The following PAX5 variants were observed in gnomAD, a reference collection of about 807,000 sequenced individuals.
PAX5 encodes paired box protein Pax-5.
In PAX5, 9 loss-of-function variants were observed where a neutral mutation model predicts 43.7. That is an observed-to-expected ratio of 0.21 (90% CI 0.12 to 0.36). The LOEUF is 0.36. Ranked by LOEUF, PAX5 falls within the 10% of genes least tolerant of loss-of-function variation. The pLI is 1.00. For synonymous variants in PAX5, 228 were observed against 214.3 expected, an observed-to-expected ratio of 1.06 and a Z score of -0.56; for missense variants, 383 against 532.7, an observed-to-expected ratio of 0.72 and a Z score of 2.77.
intron 7 of PAX5, 143 bp downstream of exon 7, chr9:36,923,212 T>G: frequency 1.0e-6 from 1 of 962,782 alleles, no homozygotes; most frequent in Non-Finnish European, 1.5e-6. Flanking sequence ...CCCCAGCACC[T>G]GACCTGTTCC....
At chr9:37,014,043 G>C (rs1775469060) in intron 3 of PAX5, among the ~76,000 whole-genome samples, 1 of 152,210 alleles carries the variant, frequency 6.6e-6, no homozygotes, top group Non-Finnish European at 1.5e-5. Flanking sequence ...AATGGAAACT[G>C]TCCAAGTTTT....
At chr9:36,929,784 T>C (rs574623349) in intron 6 of PAX5, among the ~76,000 whole-genome samples, 1 of 152,282 alleles carries the variant, frequency 6.6e-6, no homozygotes, top group African/African-American at 2.4e-5. Context: ...TGGAGTGAAA[T>C]GGTGCAATCT....
At chr9:37,027,153 C>G (rs564601286) in intron 1 of PAX5, among the ~76,000 whole-genome samples, 2 of 152,374 alleles carry the variant, frequency 1.3e-5, no homozygotes, top group East Asian at 1.9e-4. Context: ...CTCTCTCCAA[C>G]TGGCTCTCCG....
chr9:36,930,864 T>A (rs1831065521), intron 6 of PAX5: 9 of 1,308,286 alleles, frequency 6.9e-6, no homozygotes, highest in Non-Finnish European at 9.0e-6. Flanking sequence ...GCACTGGGCA[T>A]CATTTGGGTC....
rs576653546 is a variant in PAX5, at chr9:37,034,098, C to CTTTTT, written c.-72_-68dup. Reference sequence around the variant, plus strand: ...TCCACTTTTTTGTGCCTTTTTTTTTCTTTTTTTTTTTTTTTTTTTTTTTTT... The same window carrying CTTTTT: ...TCCACTTTTTTGTGCCTTTTTTTTTCTTTTTTTTTTTTTTTTTTTTTTTTTTTTTT... On this transcript the variant is annotated 5_prime_UTR_variant, in exon 1 of 10. Coordinates refer to ENST00000358127, the MANE Select transcript of PAX5 (RefSeq NM_016734.3). 8.1e-4 allele frequency: 260 copies of CTTTTT among 319,956 alleles called. 2 individuals are homozygous for CTTTTT. Among genetic ancestry groups the CTTTTT allele is most frequent in the Middle Eastern group, 1.8e-3 (2 of 1,092 alleles). 19.8% of individuals were successfully genotyped at this position (319,956 alleles called of 1,614,324 possible).
chr9:37,006,231 T>C (rs1838377385), intron 4 of PAX5, among the ~76,000 whole-genome samples: 2 of 152,300 alleles, frequency 1.3e-5, no homozygotes, highest in African/African-American at 4.8e-5. Flanking sequence ...GGCTTAGATT[T>C]CAATTTTCTG....
chr9:36,865,879 G>A (rs1824823928), intron 8 of PAX5, among the ~76,000 whole-genome samples: 3 of 152,230 alleles, frequency 2.0e-5, no homozygotes, highest in Non-Finnish European at 2.9e-5. Context: ...AGCGTGGGTC[G>A]CTCCAGAGCA....
At chr9:36,966,453 C>T in intron 6 of PAX5, 96 bp downstream of exon 6, 2 of 1,345,158 alleles carry the variant, frequency 1.5e-6, no homozygotes, top group Non-Finnish European at 2.1e-6. Context: ...CCTGGTGTGC[C>T]CTCACCCACA....
At chr9:36,948,092 A>G (rs903261090) in intron 6 of PAX5, among the ~76,000 whole-genome samples, 1 of 152,222 alleles carries the variant, frequency 6.6e-6, no homozygotes, top group African/African-American at 2.4e-5. Flanking sequence ...CTGTGCTAGC[A>G]TATCGGCATG....
In PAX5 at chr9:36,838,066, T is replaced by G. The variant is rs73451129; in HGVS notation, c.*2494A>C. On this transcript the variant is annotated 3_prime_UTR_variant, in exon 10 of 10. Coordinates refer to ENST00000358127, the MANE Select transcript of PAX5 (RefSeq NM_016734.3). ...AAATGGAGGGAGGCAGGGAGAGAGA[T>G]GCCAGGTAACATACCTTCTCCTACC... 0.012 allele frequency: 2,721 copies of G among 233,270 alleles called. 76 individuals are homozygous for G. The highest frequency in any genetic ancestry group is 0.056 in the African/African-American group (2,532 of 45,430). The allele number at this position is 233,270 out of a possible 1,614,324, so 14.5% of individuals were successfully genotyped here.
intron 6 of PAX5, among the ~76,000 whole-genome samples, chr9:36,960,180 G>A (rs1049784490): frequency 6.6e-6 from 1 of 152,226 alleles, no homozygotes; most frequent in Non-Finnish European, 1.5e-5. Context: ...TTTAGAAACA[G>A]GCTGAAAGAA....
intron 7 of PAX5, among the ~76,000 whole-genome samples, chr9:36,907,658 G>A (rs529619119): frequency 2.6e-5 from 4 of 152,268 alleles, no homozygotes; most frequent in South Asian, 2.1e-4. Flanking sequence ...TTTACTTACC[G>A]ACAGCTAGGG....
chr9:37,006,182 T>C (rs540321278), intron 4 of PAX5, among the ~76,000 whole-genome samples: 1 of 150,438 alleles, frequency 6.6e-6, no homozygotes, highest in South Asian at 2.1e-4. Context: ...ACTTTAATTA[T>C]CTGACATTCT....
intron 1 of PAX5, among the ~76,000 whole-genome samples, chr9:37,033,324 T>G (rs1025701047): frequency 7.2e-5 from 11 of 152,000 alleles, no homozygotes; most frequent in Non-Finnish European, 1.2e-4. Context: ...CGTCTAGGAG[T>G]TTGCCTAGAG....
At position 36,971,747 on chromosome 9, in the gene PAX5, G is replaced by A. The variant is rs145968652; in HGVS notation, c.605-5023C>T. 5.3e-5 allele frequency among the ~76,000 whole-genome samples: 8 copies of A among 152,324 alleles called. No individual in the cohort carries two copies. The South Asian group carries it at 8.3e-4, about 16-fold the overall frequency. Reference sequence around the variant, plus strand: ...AGGGGAGCAAGGGGCAGGAAGCCCCGTCTCGGGGAGCAAAGAAATGCTGGC... The same window carrying A: ...AGGGGAGCAAGGGGCAGGAAGCCCCATCTCGGGGAGCAAAGAAATGCTGGC... On this transcript the variant is annotated intron_variant, in intron 5 of 9. Transcript: ENST00000358127.
chr9:36,954,239 A>G (rs576865484), intron 6 of PAX5, among the ~76,000 whole-genome samples: 2 of 152,264 alleles, frequency 1.3e-5, no homozygotes, highest in South Asian at 4.1e-4. Context: ...AATCTGGCAG[A>G]TCTCAGCTGT....
intron 8 of PAX5, among the ~76,000 whole-genome samples, chr9:36,859,365 A>C (rs541776123): frequency 6.6e-6 from 1 of 152,260 alleles, no homozygotes; most frequent in Admixed American, 6.5e-5. Flanking sequence ...CTCCTAACAG[A>C]GTCAGGGTCA....
chr9:36,950,916 A>G (rs1208670422), intron 6 of PAX5, among the ~76,000 whole-genome samples: 1 of 151,766 alleles, frequency 6.6e-6, no homozygotes, highest in Non-Finnish European at 1.5e-5. Context: ...AATTTTTTGT[A>G]TCTTTAGTAG....
Position 36,852,628 on chromosome 9 carries a change from C to T in PAX5, c.1013-5699G>A, listed in dbSNP as rs182228949. Among the ~76,000 whole-genome samples, 18 of 152,352 alleles carry T rather than the reference C, an allele frequency of 1.2e-4. No individual in the cohort carries two copies. The East Asian group carries it at 3.3e-3, about 28-fold the overall frequency. On this transcript the variant is annotated intron_variant, in intron 8 of 9. Transcript: ENST00000358127. ...GGAGCCCGGGCTGGGGCAGAAGGAA[C>T]GTGGCTTCCCACTGGGCATCTCAAG... is the stretch of plus-strand genomic sequence containing the variant.
Sources: allele counts gnomAD v4.1 joint callset (sites outside exome capture counted in the v4.1 genomes callset), GRCh38; gene constraint gnomAD v4.1.1; transcripts MANE v1.5; gene names NCBI Gene and HGNC (gene_info 2026-07-23, HGNC 2026-07-21).